The following RNF38 variants were observed in gnomAD, a reference collection of about 807,000 sequenced individuals.
RNF38 encodes ring finger protein 38, also known as E3 ubiquitin-protein ligase RNF38.
In RNF38, 15 loss-of-function variants were observed where a neutral mutation model predicts 67.2. The observed-to-expected ratio is 0.22, with a 90% CI of 0.15 to 0.34. The LOEUF is 0.34. Among genes scored for constraint, RNF38 ranks in the 10% least tolerant of loss-of-function variants. The probability of loss-of-function intolerance (pLI) is 1.00; values close to 1 mark genes in which losing one functional copy is unlikely to be tolerated. For missense variants in RNF38, 524 were observed against 639.9 expected (o/e 0.82, Z 1.95); for synonymous variants, 220 against 218.8 (o/e 1.01, Z -0.05).
At chr9:36,420,250 C>A (rs1399245552) in intron 2 of RNF38, among the ~76,000 whole-genome samples, 1 of 152,026 alleles carries the variant, frequency 6.6e-6, no homozygotes, top group Non-Finnish European at 1.5e-5. Context: ...GGACAACCTT[C>A]GGCCGGGCAC....
Position 36,400,219 on chromosome 9 carries a change from C to T in RNF38, c.-111G>A, listed in dbSNP as rs1201975774. ...CAACCCTGAAAGGAAGAACTTGCAT[C>T]CCCTGAGAACAAAACGCAGCCTATC... On this transcript the variant is annotated 5_prime_UTR_variant, in exon 1 of 12. Transcript: ENST00000259605. The T allele has an allele frequency of 6.7e-7, 1 of 1,487,636 alleles. No individual in the cohort carries two copies. 92.2% of individuals were successfully genotyped at this position (1,487,636 alleles called of 1,614,324 possible). A position where few individuals can be genotyped will look rare whatever the true frequency, so the allele number is the denominator to read the frequency against.
intron 2 of RNF38, among the ~76,000 whole-genome samples, chr9:36,421,369 T>A (rs965650998): frequency 2.0e-5 from 3 of 152,090 alleles, no homozygotes; most frequent in Admixed American, 6.6e-5. Context: ...TATTTTTTTT[T>A]AAAGCAGGTT....
At chr9:36,342,288 T>C (rs1171351693) in intron 11 of RNF38, 37 bp downstream of exon 11, 3 of 1,410,896 alleles carry the variant, frequency 2.1e-6, no homozygotes, top group Non-Finnish European at 3.0e-6. Context: ...AAATAGAAAA[T>C]TCAATGTCAT....
intron 2 of RNF38, among the ~76,000 whole-genome samples, chr9:36,420,727 T>G (rs574493686): frequency 6.6e-6 from 1 of 152,262 alleles, no homozygotes; most frequent in African/African-American, 2.4e-5. Flanking sequence ...TCTAGAACAT[T>G]GCTCTGTATG....
intron 2 of RNF38, among the ~76,000 whole-genome samples, chr9:36,383,966 A>C (rs765605959): frequency 9.9e-5 from 15 of 152,206 alleles, no homozygotes; most frequent in Admixed American, 3.9e-4. Flanking sequence ...TAGTCCACCA[A>C]AACACAGGAA....
At chr9:36,459,444 A>G (rs1296697287) in intron 1 of RNF38, among the ~76,000 whole-genome samples, 1 of 152,186 alleles carries the variant, frequency 6.6e-6, no homozygotes, top group East Asian at 1.9e-4. Flanking sequence ...TCTCTGTCAA[A>G]CATTAGGGAT....
chr9:36,429,203 A>G (rs1838864894), intron 1 of RNF38, among the ~76,000 whole-genome samples: 1 of 152,230 alleles, frequency 6.6e-6, no homozygotes, highest in South Asian at 2.1e-4. Flanking sequence ...TAAAAAAAGA[A>G]TGAAATGGAT....
Position 36,390,575 on chromosome 9 carries a change from A to G in RNF38, c.54T>C (p.Pro18=). 2 of 1,614,154 alleles carry G rather than the reference A, an allele frequency of 1.2e-6. No individual in the cohort carries two copies. The highest frequency in any genetic ancestry group is 1.1e-5 in the South Asian group (1 of 91,084). ...TCACCCTTTCACAAATCACCTTGTT[A>G]GGATGGCCAGGTAGAGATGCTGAAT... The part of the protein sequence containing the change: ...GANSASLPGH[P]NKVICERVRL... Residue 18 remains proline (P), a synonymous_variant, in exon 2 of 12, where the codon CCT becomes CCC. Coordinates refer to ENST00000259605, the MANE Select transcript of RNF38 (RefSeq NM_022781.5).
In RNF38 at chr9:36,339,818, C is replaced by T; in HGVS notation, c.1486-4G>A. ...AAATTGGGCAAGTACGATTTGCCTA[C>T]AAAACAAAAAGGAAAACTTGTTTAA... On this transcript the variant is annotated splice_polypyrimidine_tract_variant and splice_region_variant and intron_variant, in intron 11 of 11. Coordinates refer to ENST00000259605, the MANE Select transcript of RNF38 (RefSeq NM_022781.5). 1 of 1,610,254 alleles carries T rather than the reference C, an allele frequency of 6.2e-7. No individual in the cohort carries two copies. The highest frequency in any genetic ancestry group is 8.5e-7 in the Non-Finnish European group (1 of 1,177,812).
rs185846913 is a variant in RNF38, at chr9:36,478,749, G to A, written n.241+8559C>T. ...GGAGAATGGCTTGAACCCAGAAGGC[G>A]GAGGTTGCGGTGAGCCGAGATGGCG... On this transcript the variant is annotated intron_variant and non_coding_transcript_variant, in intron 1 of 3. Transcript: ENST00000488058. 7.3e-4 allele frequency among the ~76,000 whole-genome samples: 110 copies of A among 151,376 alleles called. 1 individual carries two copies. The highest frequency in any genetic ancestry group is 1.9e-3 in the South Asian group (9 of 4,788).
At chr9:36,405,090 C>T (rs1338979837), upstream of RNF38, among the ~76,000 whole-genome samples, 1 of 151,990 alleles carries the variant, frequency 6.6e-6, no homozygotes, top group African/African-American at 2.4e-5. Context: ...CATGGTGAAA[C>T]GCCATCTCTA....
At chr9:36,481,304 C>CACACCAGCT (rs1400886897) in intron 1 of RNF38, among the ~76,000 whole-genome samples, 1 of 152,196 alleles carries the variant, frequency 6.6e-6, no homozygotes, top group Non-Finnish European at 1.5e-5. Flanking sequence ...CATGAGCCAC[C>CACACCAGCT]ACACCAGCTA....
chr9:36,390,854 C>T (rs1002833995), intron 1 of RNF38, among the ~76,000 whole-genome samples: 7 of 152,224 alleles, frequency 4.6e-5, no homozygotes, highest in African/African-American at 1.4e-4. Flanking sequence ...AAGAACACCA[C>T]GTCCTTCCTG....
intron 1 of RNF38, among the ~76,000 whole-genome samples, chr9:36,436,649 C>A (rs1437078935): frequency 6.6e-6 from 1 of 151,588 alleles, no homozygotes; most frequent in Non-Finnish European, 1.5e-5. Flanking sequence ...AGGTGAAACC[C>A]CTTCTCTACT....
intron 1 of RNF38, among the ~76,000 whole-genome samples, chr9:36,394,975 A>G (rs2134074275): frequency 6.6e-6 from 1 of 152,334 alleles, no homozygotes; most frequent in East Asian, 1.9e-4. Flanking sequence ...TGCCAAGGAA[A>G]CATCCTGAGA....
intron 1 of RNF38, among the ~76,000 whole-genome samples, chr9:36,473,443 C>T (rs1022054638): frequency 2.6e-5 from 4 of 151,826 alleles, no homozygotes; most frequent in Non-Finnish European, 5.9e-5. Context: ...AAAAAATTAG[C>T]CAGGCATGGT....
intron 1 of RNF38, among the ~76,000 whole-genome samples, chr9:36,441,049 A>G (rs1260246451): frequency 6.6e-6 from 1 of 152,194 alleles, no homozygotes; most frequent in Non-Finnish European, 1.5e-5. Context: ...CTTTAACCCC[A>G]ATAGTGACTA....
chr9:36,356,866 T>C (rs965704484), intron 5 of RNF38, among the ~76,000 whole-genome samples: 4 of 152,164 alleles, frequency 2.6e-5, no homozygotes, highest in Admixed American at 2.0e-4. Flanking sequence ...AGAAATCTTT[T>C]TCTTCCTAGG....
At chr9:36,455,665 G>A (rs10972915) in intron 1 of RNF38, among the ~76,000 whole-genome samples, 4,478 of 151,804 alleles carry the variant, frequency 0.029, 86 homozygotes, top group South Asian at 0.069. Flanking sequence ...CTAGTTGGGA[G>A]GCTGAGGCAG....
Sources: gnomAD v4.1 joint callset for allele counts (sites outside exome capture counted in the v4.1 genomes callset) on GRCh38, gnomAD v4.1.1 for gene constraint, MANE v1.5 for transcripts, NCBI Gene and HGNC (gene_info 2026-07-23, HGNC 2026-07-21) for gene names.